Variants in RIC1 observed in about 807,000 individuals in gnomAD.
RIC1 encodes the protein RIC1 partner of RAB6A GEF complex.
Under a neutral mutation model 169.0 loss-of-function variants are expected in RIC1, and 88 were observed. The ratio of observed to expected loss-of-function variants is 0.52; its 90% confidence interval spans 0.44 to 0.62. RIC1 has a LOEUF of 0.62. Among genes scored for constraint, RIC1 ranks in the 20% least tolerant of loss-of-function variants. RIC1 has a pLI of 0.00. For synonymous variants in RIC1, 790 were observed against 601.5 expected (o/e 1.31, Z -4.59); for missense variants, 1,877 against 1,725.5 (o/e 1.09, Z -1.56).
intron 2 of RIC1, 73 bp from the exon 3 acceptor site, chr9:5,689,886 T>C: frequency 9.5e-7 from 1 of 1,054,798 alleles, no homozygotes; most frequent in Non-Finnish European, 1.4e-6. Context: ...AGTAAGAATT[T>C]ATAAAATTAA....
intron 3 of RIC1, among the ~76,000 whole-genome samples, chr9:5,705,351 G>T (rs773275069): frequency 6.6e-6 from 1 of 151,534 alleles, no homozygotes; most frequent in African/African-American, 2.4e-5. Context: ...ATTTATTTAC[G>T]CATACAACTC....
intron 12 of RIC1, among the ~76,000 whole-genome samples, chr9:5,752,675 A>T (rs935179748): frequency 8.5e-5 from 13 of 152,144 alleles, no homozygotes; most frequent in African/African-American, 3.1e-4. Context: ...ACCTCAGGTG[A>T]TCCACCTGCC....
At chr9:5,731,553 T>C (rs1007890559) in intron 6 of RIC1, among the ~76,000 whole-genome samples, 4 of 152,164 alleles carry the variant, frequency 2.6e-5, no homozygotes, top group African/African-American at 7.2e-5. Context: ...CTTTTTCTGC[T>C]AACTGAACTA....
chr9:5,757,784 CAAGTT>C (rs1413644719), intron 17 of RIC1, among the ~76,000 whole-genome samples: 3 of 151,956 alleles, frequency 2.0e-5, no homozygotes, highest in Admixed American at 2.0e-4. Flanking sequence ...AGAAATTATC[CAAGTT>C]AAGAGGGGAT....
At chr9:5,770,331 T>C in intron 23 of RIC1, 53 bp downstream of exon 23, 1 of 1,444,992 alleles carries the variant, frequency 6.9e-7, no homozygotes, top group Admixed American at 1.8e-5. Context: ...AAAATTTATG[T>C]GCTATAGCAC....
chr9:5,737,593 C>G (rs1824796411), intron 7 of RIC1, among the ~76,000 whole-genome samples: 1 of 94,752 alleles, frequency 1.1e-5, no homozygotes, highest in Non-Finnish European at 2.0e-5. Context: ...TGCTTTTACA[C>G]ACACACATGT....
chr9:5,747,680 C>A lies in RIC1; in HGVS notation c.1452+175C>A, dbSNP rs372489466. 5.3e-5 allele frequency among the ~76,000 whole-genome samples: 8 copies of A among 152,222 alleles called. No homozygotes were observed. In the South Asian group the frequency reaches 1.5e-3, roughly 28 times the overall value. On this transcript the variant is annotated intron_variant, in intron 12 of 25. Coordinates refer to ENST00000414202, the MANE Select transcript of RIC1 (RefSeq NM_020829.4). Reference sequence around the variant, plus strand: ...TGTCCTCTAGTCTTCTCCCTCCTTTCTTTCCACTTGGCGTAGAGTGTATCC... The same window carrying A: ...TGTCCTCTAGTCTTCTCCCTCCTTTATTTCCACTTGGCGTAGAGTGTATCC...
chr9:5,742,754 C>G, intron 8 of RIC1, 115 bp from the exon 9 acceptor site: 1 of 912,120 alleles, frequency 1.1e-6, no homozygotes. Context: ...TGGAAGCAGT[C>G]ATACCTTTCT....
intron 3 of RIC1, among the ~76,000 whole-genome samples, chr9:5,697,478 T>G (rs1470705608): frequency 1.3e-5 from 2 of 152,242 alleles, no homozygotes; most frequent in Non-Finnish European, 2.9e-5. Flanking sequence ...AATGACCATC[T>G]GTGTGTCCAT....
In RIC1 at chr9:5,720,344, G is replaced by A; in HGVS notation, c.583+20G>A. ...CTAGAGGTAGCTATACTTTCTACAT[G>A]AGGTTGAACCAGTTGTTTAATGTTT... On this transcript the variant is annotated intron_variant, in intron 5 of 25. Transcript: ENST00000414202. 1.2e-6 allele frequency: 2 copies of A among 1,602,466 alleles called. No individual in the cohort carries two copies. The highest frequency in any genetic ancestry group is 1.7e-6 in the Non-Finnish European group (2 of 1,174,198).
chr9:5,778,631 T>C (rs990790870), downstream of RIC1, among the ~76,000 whole-genome samples: 2 of 152,258 alleles, frequency 1.3e-5, no homozygotes, highest in Non-Finnish European at 2.9e-5. Flanking sequence ...ACATTGCATC[T>C]ACTGAAGTAG....
intron 4 of RIC1, among the ~76,000 whole-genome samples, chr9:5,715,469 T>G (rs554182414): frequency 6.6e-6 from 1 of 152,346 alleles, no homozygotes; most frequent in East Asian, 1.9e-4. Flanking sequence ...GTGAAATAAC[T>G]GCATTTCAGA....
At chr9:5,725,142 C>T (rs1823882314) in intron 6 of RIC1, among the ~76,000 whole-genome samples, 1 of 152,124 alleles carries the variant, frequency 6.6e-6, no homozygotes. Context: ...GTACCAGTTC[C>T]TCTTTGTACC....
At chr9:5,748,045 T>G (rs930040889) in intron 12 of RIC1, among the ~76,000 whole-genome samples, 13 of 152,202 alleles carry the variant, frequency 8.5e-5, no homozygotes, top group African/African-American at 3.1e-4. Flanking sequence ...CACTTTTAAA[T>G]TAACAGTGTC....
At chr9:5,742,129 C>G (rs576360503) in intron 8 of RIC1, among the ~76,000 whole-genome samples, 1 of 152,248 alleles carries the variant, frequency 6.6e-6, no homozygotes, top group South Asian at 2.1e-4. Context: ...AATTCTTTTC[C>G]TACATGGCAG....
At chr9:5,737,088 C>G (rs1824760259) in intron 7 of RIC1, among the ~76,000 whole-genome samples, 1 of 151,966 alleles carries the variant, frequency 6.6e-6, no homozygotes. Context: ...GTTTCTCTTT[C>G]TCACTATAAA....
chr9:5,717,861 C>T (rs895868614), intron 4 of RIC1, among the ~76,000 whole-genome samples: 2 of 150,394 alleles, frequency 1.3e-5, no homozygotes, highest in African/African-American at 4.9e-5. Flanking sequence ...AAAAGTTCAG[C>T]CAGGCGCAGT....
At chr9:5,657,459 C>G (rs531121162) in intron 2 of RIC1, among the ~76,000 whole-genome samples, 1 of 152,086 alleles carries the variant, frequency 6.6e-6, no homozygotes, top group African/African-American at 2.4e-5. Context: ...CCCATTTAAT[C>G]TTTAGATAAG....
chr9:5,638,291 A>G (rs1233003420), intron 1 of RIC1, among the ~76,000 whole-genome samples: 2 of 152,182 alleles, frequency 1.3e-5, no homozygotes, highest in African/African-American at 4.8e-5. Context: ...CATCAGAAAT[A>G]TTGACCTGTA....
Sources: allele counts gnomAD v4.1 joint callset (sites outside exome capture counted in the v4.1 genomes callset), GRCh38; gene constraint gnomAD v4.1.1; transcripts MANE v1.5; gene names NCBI Gene and HGNC (gene_info 2026-07-23, HGNC 2026-07-21).